ATF7: variants seen among roughly 807,000 people sequenced by gnomAD.
ATF7 encodes the protein cyclic AMP-dependent transcription factor ATF-7.
In ATF7, 10 loss-of-function variants were observed where a neutral mutation model predicts 50.4. The observed-to-expected ratio is 0.20, with a 90% confidence interval of 0.12 to 0.34. ATF7 has a LOEUF of 0.34. Among genes scored for constraint, ATF7 ranks in the 10% least tolerant of loss-of-function variants. ATF7 has a pLI of 1.00. For synonymous variants in ATF7, 201 were observed against 226.4 expected, an observed-to-expected ratio of 0.89 and a Z score of 1.01; for missense variants, 465 against 613.9, an observed-to-expected ratio of 0.76 and a Z score of 2.56.
At chr12:53,569,153 C>T (rs1041163149) in intron 2 of ATF7, among the ~76,000 whole-genome samples, 3 of 152,118 alleles carry the variant, frequency 2.0e-5, no homozygotes, top group African/African-American at 4.8e-5. Flanking sequence ...GCCTGGGCGA[C>T]AGAGGAGGGC....
intron 2 of ATF7, among the ~76,000 whole-genome samples, chr12:53,558,439 A>G (rs1940882151): frequency 6.6e-6 from 1 of 152,238 alleles, no homozygotes; most frequent in Non-Finnish European, 1.5e-5. Context: ...CCTTTTCCAA[A>G]CTGCCAACAC....
chr12:53,600,371 G>A (rs1226624564), intron 2 of ATF7, among the ~76,000 whole-genome samples: 3 of 149,982 alleles, frequency 2.0e-5, no homozygotes, highest in Admixed American at 6.7e-5. Context: ...ACGGAGTTTC[G>A]CTCTTGTCAC....
chr12:53,553,927 A>G (rs1346152534), intron 2 of ATF7, among the ~76,000 whole-genome samples: 2 of 152,074 alleles, frequency 1.3e-5, no homozygotes, highest in Non-Finnish European at 2.9e-5. Context: ...AGCAATACCA[A>G]ACTGTTTCTA....
rs113085197 is a variant in ATF7 at position 53,548,191 on chromosome 12, G to A, written c.145+4350C>T. Among the ~76,000 whole-genome samples, 1,347 of 152,026 alleles carry A rather than the reference G, an allele frequency of 8.9e-3. 21 individuals carry two copies. The highest frequency in any genetic ancestry group is 0.031 in the African/African-American group (1,301 of 41,452). ...CTGAGGCTAATTTTTAAAATTTTTT[G>A]TTAAGATGGGTCTCATGTTGCCCAG... On this transcript the variant is annotated intron_variant, in intron 3 of 11. Transcript: ENST00000420353.
At chr12:53,520,521 T>C (rs574595033) in intron 11 of ATF7, among the ~76,000 whole-genome samples, 4 of 151,834 alleles carry the variant, frequency 2.6e-5, no homozygotes, top group African/African-American at 9.6e-5. Flanking sequence ...AGGTGGACCC[T>C]GCCTCCAAAA....
intron 8 of ATF7, 107 bp from the exon 9 acceptor site, chr12:53,532,003 C>T: frequency 1.6e-6 from 2 of 1,262,552 alleles, no homozygotes; most frequent in African/African-American, 1.5e-5. Context: ...CTAAAATTTC[C>T]ACTCTAGTTC....
chr12:53,583,181 G>A (rs1308289326), intron 2 of ATF7, among the ~76,000 whole-genome samples: 1 of 152,162 alleles, frequency 6.6e-6, no homozygotes, highest in Non-Finnish European at 1.5e-5. Flanking sequence ...AGCAGGGGGT[G>A]AGCAGCAGGC....
chr12:53,550,339 T>TA (rs1290152303), intron 3 of ATF7, among the ~76,000 whole-genome samples: 14 of 128,314 alleles, frequency 1.1e-4, no homozygotes, highest in East Asian at 9.0e-4. Context: ...AAAAAATAAA[T>TA]AAATAAATAA....
In ATF7 at chr12:53,537,462, G is replaced by A. The variant is rs759070419; in HGVS notation, c.355C>T (p.Pro119Ser). The change falls in exon 5 of 12, where the codon CCT becomes TCT. Residue 119 changes from proline to serine, a missense_variant. Pro to Ser is a moderately conservative substitution (Grantham distance 74). Transcript: ENST00000420353. ...CAGGGACTAGAGGCAGGGCTATCAG[G>A]TGGGGATGAGTCTACCTCCACTGGC... ...EEPVEVDSSP[P>S]DSPASSPCSP... 6 of 1,613,810 alleles carry A rather than the reference G, an allele frequency of 3.7e-6. No homozygotes were observed. Among genetic ancestry groups the A allele is most frequent in the African/African-American group, 1.3e-5 (1 of 75,034 alleles).
chr12:53,589,695 T>C (rs1045859913), intron 2 of ATF7, among the ~76,000 whole-genome samples: 2 of 152,110 alleles, frequency 1.3e-5, no homozygotes, highest in African/African-American at 4.8e-5. Flanking sequence ...AAAGAGACAA[T>C]ATCTCTATGA....
At chr12:53,566,908 C>T (rs1671057891) in intron 2 of ATF7, among the ~76,000 whole-genome samples, 1 of 152,190 alleles carries the variant, frequency 6.6e-6, no homozygotes, top group South Asian at 2.1e-4. Flanking sequence ...CACACGCCAC[C>T]ATGCCCAGCT....
At chr12:53,537,155 G>A (rs1423735284) in intron 5 of ATF7, among the ~76,000 whole-genome samples, 2 of 150,606 alleles carry the variant, frequency 1.3e-5, no homozygotes, top group Non-Finnish European at 3.0e-5. Context: ...CTGCAGCCTC[G>A]ACCTCTAGGG....
At position 53,513,469 on chromosome 12, in the gene ATF7, G is replaced by C. The variant is rs950461624; in HGVS notation, c.*3668C>G. 9 of 152,012 alleles carry C rather than the reference G, an allele frequency of 5.9e-5. No homozygotes were observed. The highest frequency in any genetic ancestry group is 2.2e-4 in the African/African-American group (9 of 41,374). The allele number at this position is 152,012 out of a possible 1,614,324, so 9.4% of individuals were successfully genotyped here. On this transcript the variant is annotated 3_prime_UTR_variant, in exon 12 of 12. Coordinates refer to ENST00000420353, the MANE Select transcript of ATF7 (RefSeq NM_006856.3). ...CTGCCTTAGGATCCCCACCTTTCCT[G>C]TTCTTCCAGACACCCCCACCCCCGT...
chr12:53,515,281 AC>A lies in ATF7; in HGVS notation c.*1855del. 6.6e-6 allele frequency: 1 copy of A among 152,356 alleles called. No homozygotes were observed. Among genetic ancestry groups the A allele is most frequent in the Admixed American group, 6.5e-5 (1 of 15,306 alleles). The allele number at this position is 152,356 out of a possible 1,614,324, so 9.4% of individuals were successfully genotyped here. A position where few individuals can be genotyped will look rare whatever the true frequency, so the allele number is the denominator to read the frequency against. On this transcript the variant is annotated 3_prime_UTR_variant, in exon 12 of 12. Transcript: ENST00000420353. Reference sequence around the variant, plus strand: ...TAGGACAGGATATCACTTTAAGGAAACGGGAATCTTGTAGCTTAGAACATTT... The same window carrying A: ...TAGGACAGGATATCACTTTAAGGAAAGGGAATCTTGTAGCTTAGAACATTT...
chr12:53,553,218 G>C (rs1940496535), intron 2 of ATF7, among the ~76,000 whole-genome samples: 1 of 152,162 alleles, frequency 6.6e-6, no homozygotes, highest in Non-Finnish European at 1.5e-5. Flanking sequence ...AGCTGTAGAG[G>C]ACCAAGGCGC....
intron 4 of ATF7, among the ~76,000 whole-genome samples, chr12:53,538,526 TC>T (rs1224074283): frequency 2.0e-5 from 3 of 152,172 alleles, no homozygotes; most frequent in Non-Finnish European, 4.4e-5. Flanking sequence ...GAGAGCACTT[TC>T]CTGGCAGTGA....
chr12:53,585,278 A>G (rs1942622311), intron 2 of ATF7, among the ~76,000 whole-genome samples: 3 of 152,100 alleles, frequency 2.0e-5, no homozygotes, highest in African/African-American at 7.2e-5. Flanking sequence ...GCCCGGCCTC[A>G]TTATATATTT....
At chr12:53,526,259 C>G (rs571709039) in intron 9 of ATF7, among the ~76,000 whole-genome samples, 73 of 151,508 alleles carry the variant, frequency 4.8e-4, no homozygotes, top group Non-Finnish European at 6.5e-4. Flanking sequence ...CTCCGGCCCC[C>G]CTTCCAACTT....
intron 4 of ATF7, among the ~76,000 whole-genome samples, 174 bp from the exon 5 acceptor site, chr12:53,537,726 T>C (rs1939307539): frequency 6.6e-6 from 1 of 151,836 alleles, no homozygotes; most frequent in African/African-American, 2.4e-5. Context: ...TTGTTTTGTA[T>C]TTTGAGGCGT....
Sources: allele counts gnomAD v4.1 joint callset (sites outside exome capture counted in the v4.1 genomes callset), GRCh38; gene constraint gnomAD v4.1.1; transcripts MANE v1.5; gene names NCBI Gene and HGNC (gene_info 2026-07-23, HGNC 2026-07-21).